Variants in PRDM16 observed in about 807,000 individuals in gnomAD.
PRDM16 encodes PR/SET domain 16.
A neutral mutation model predicts 110.6 loss-of-function variants in PRDM16; 23 were observed. The observed-to-expected ratio is 0.21, with a 90% CI of 0.15 to 0.29. The LOEUF (loss-of-function observed/expected upper bound fraction) is 0.29, where lower values mean the gene tolerates loss of function less well. Among genes scored for constraint, PRDM16 ranks in the 10% least tolerant of loss-of-function variants. PRDM16 has a pLI of 1.00. For synonymous variants in PRDM16, 799 were observed against 781.8 expected, an observed-to-expected ratio of 1.02 and a Z score of -0.37; for missense variants, 1,615 against 1,794.3, an observed-to-expected ratio of 0.90 and a Z score of 1.81.
chr1:3,166,772 G>T (rs1243990037), intron 1 of PRDM16, among the ~76,000 whole-genome samples: 2 of 152,196 alleles, frequency 1.3e-5, no homozygotes, highest in Non-Finnish European at 2.9e-5. Flanking sequence ...CTCGGGTGAG[G>T]TTCTTTGCCT....
At chr1:3,089,074 C>T (rs34884268) in intron 1 of PRDM16, among the ~76,000 whole-genome samples, 13,304 of 152,266 alleles carry the variant, frequency 0.087, 736 homozygotes, top group Non-Finnish European at 0.13. Flanking sequence ...TGAGCCACCG[C>T]GCCAGTCCGA....
At position 3,282,772 on chromosome 1, in the gene PRDM16, C is replaced by T. The variant is rs564831584; in HGVS notation, c.438+38635C>T. Among the ~76,000 whole-genome samples, 23 of 152,252 alleles carry T rather than the reference C, an allele frequency of 1.5e-4. No homozygotes were observed. The South Asian group carries it at 2.1e-3, about 14-fold the overall frequency. The stretch of plus-strand genomic sequence containing the variant: ...CTCCCTAGGGAGGAGACACTGTTGT[C>T]CGTCTGAAGCCTGGCGAACGTGGGA... On this transcript the variant is annotated intron_variant, in intron 3 of 16. Transcript: ENST00000270722.
At chr1:3,323,321 G>A (rs539117301) in intron 3 of PRDM16, among the ~76,000 whole-genome samples, 10 of 152,300 alleles carry the variant, frequency 6.6e-5, no homozygotes, top group African/African-American at 2.2e-4. Context: ...GGAACAGCTT[G>A]GACAAACACC....
At chr1:3,119,577 G>A (rs539526254) in intron 1 of PRDM16, among the ~76,000 whole-genome samples, 72 of 152,300 alleles carry the variant, frequency 4.7e-4, no homozygotes, top group African/African-American at 1.7e-3. Flanking sequence ...GATGTTGTGT[G>A]TTTTCTCTCT....
intron 1 of PRDM16, among the ~76,000 whole-genome samples, chr1:3,145,059 C>T (rs1643619898): frequency 6.6e-6 from 1 of 152,194 alleles, no homozygotes; most frequent in South Asian, 2.1e-4. Flanking sequence ...GATGTCCCTG[C>T]ACTTGGATGT....
chr1:3,187,215 A>AC (rs931905587), intron 2 of PRDM16, among the ~76,000 whole-genome samples: 5 of 151,432 alleles, frequency 3.3e-5, no homozygotes, highest in South Asian at 2.1e-4. Flanking sequence ...TAACAGCCCC[A>AC]CCCCCCCACA....
chr1:3,349,460 G>A (rs534102647), intron 3 of PRDM16, among the ~76,000 whole-genome samples: 2 of 152,154 alleles, frequency 1.3e-5, no homozygotes, highest in Non-Finnish European at 2.9e-5. Context: ...TGCACTGCCC[G>A]TCTCCACCCA....
intron 2 of PRDM16, among the ~76,000 whole-genome samples, chr1:3,225,534 G>C (rs1199469657): frequency 1.9e-4 from 2 of 10,266 alleles, no homozygotes; most frequent in Non-Finnish European, 5.5e-4. Flanking sequence ...GCTTGCCTGT[G>C]TGTGTGTGTG....
At position 3,080,929 on chromosome 1, in the gene PRDM16, A is replaced by T. The variant is rs1032018249; in HGVS notation, c.37+11633A>T. Among the ~76,000 whole-genome samples the T allele has an allele frequency of 2.7e-5, 4 of 150,136 alleles. No individual in the cohort carries two copies. Among genetic ancestry groups the T allele is most frequent in the African/African-American group, 9.8e-5 (4 of 40,996 alleles). ...TTCCCGGAGAGCTTGTGTGCCTGAG[A>T]GTGTGTGTGTGTAGAGGGGGTGGCG... On this transcript the variant is annotated intron_variant, in intron 1 of 16. Coordinates refer to ENST00000270722, the MANE Select transcript of PRDM16 (RefSeq NM_022114.4). The surrounding 1 kb of genome is among the most constrained non-coding windows in gnomAD (Gnocchi z 5.2).
Position 3,122,833 on chromosome 1 carries a change from T to C in PRDM16, c.37+53537T>C, listed in dbSNP as rs532088149. ...ACTTTGAACAGGTTGAATCTTCCTG[T>C]AGGGCTCTAGGGAGGCGGCGGCTGG... On this transcript the variant is annotated intron_variant, in intron 1 of 16. Coordinates refer to ENST00000270722, the MANE Select transcript of PRDM16 (RefSeq NM_022114.4). Among the ~76,000 whole-genome samples the C allele has an allele frequency of 2.2e-4, 33 of 152,324 alleles. 1 individual carries two copies. In the South Asian group the frequency reaches 6.4e-3, roughly 30 times the overall value.
intron 1 of PRDM16, among the ~76,000 whole-genome samples, chr1:3,145,225 A>T (rs1643623739): frequency 6.6e-6 from 1 of 152,128 alleles, no homozygotes; most frequent in Admixed American, 6.5e-5. Flanking sequence ...GCTATCTAGG[A>T]ACGTCCACGT....
intron 3 of PRDM16, among the ~76,000 whole-genome samples, chr1:3,270,303 G>C (rs546056724): frequency 6.7e-6 from 1 of 149,930 alleles, no homozygotes; most frequent in Non-Finnish European, 1.5e-5. Flanking sequence ...GAAGAGGACA[G>C]TCCCAGAGGA....
chr1:3,307,840 T>C (rs1183124354), intron 3 of PRDM16: 1 of 152,186 alleles, frequency 6.6e-6, no homozygotes, highest in Non-Finnish European at 1.5e-5. Context: ...ATAATCTTGC[T>C]GGAGAACATA....
chr1:3,356,610 G>A (rs985475349), intron 3 of PRDM16, among the ~76,000 whole-genome samples: 14 of 152,324 alleles, frequency 9.2e-5, no homozygotes, highest in Admixed American at 4.6e-4. Flanking sequence ...GTGTCTGGAC[G>A]CTGTTCTAAG....
intron 3 of PRDM16, among the ~76,000 whole-genome samples, chr1:3,376,069 G>A (rs1353498513): frequency 6.6e-6 from 1 of 152,102 alleles, no homozygotes; most frequent in African/African-American, 2.4e-5. Flanking sequence ...CCCCAGGAGC[G>A]CCACAGCATC....
chr1:3,118,598 C>T (rs539006229), intron 1 of PRDM16, among the ~76,000 whole-genome samples: 2 of 152,338 alleles, frequency 1.3e-5, no homozygotes, highest in East Asian at 1.9e-4. Context: ...GAGGCAAAGC[C>T]GGGAAAGAAC....
chr1:3,145,623 C>T (rs965262400), intron 1 of PRDM16, among the ~76,000 whole-genome samples: 5 of 152,178 alleles, frequency 3.3e-5, no homozygotes, highest in African/African-American at 1.2e-4. Flanking sequence ...CCATGAGCCT[C>T]CTGCAGAGAT....
At chr1:3,385,549 G>T (rs1263989000) in intron 4 of PRDM16, among the ~76,000 whole-genome samples, 1 of 152,202 alleles carries the variant, frequency 6.6e-6, no homozygotes, top group African/African-American at 2.4e-5. Context: ...CGAGATGGTG[G>T]TTCAGGTGGA....
chr1:3,397,480 C>T (rs563749041), intron 5 of PRDM16, among the ~76,000 whole-genome samples: 57 of 152,376 alleles, frequency 3.7e-4, no homozygotes, highest in Non-Finnish European at 7.1e-4. Flanking sequence ...CGTTCCCCTA[C>T]GGGGTCCTGG....
Sources: gnomAD v4.1 joint callset for allele counts (sites outside exome capture counted in the v4.1 genomes callset) on GRCh38, gnomAD v4.1.1 for gene constraint, Gnocchi (gnomAD v3.1) non-coding constraint, MANE v1.5 for transcripts, NCBI Gene and HGNC (gene_info 2026-07-23, HGNC 2026-07-21) for gene names.